The following TLR3 variants were observed in gnomAD, a reference collection of about 807,000 sequenced individuals.
TLR3 encodes toll like receptor 3.
Under a neutral mutation model 66.4 loss-of-function variants are expected in TLR3, and 43 were observed. That is an observed-to-expected ratio of 0.65 (90% confidence interval 0.51 to 0.83). The LOEUF (loss-of-function observed/expected upper bound fraction) is 0.83. Ranked by LOEUF, TLR3 falls within the 40% of genes least tolerant of loss-of-function variation. The probability of loss-of-function intolerance (pLI) is 0.00; values close to 1 mark genes in which losing one functional copy is unlikely to be tolerated. For synonymous variants in TLR3, 397 were observed against 397.2 expected (o/e 1.00, Z 0.01); for missense variants, 982 against 1,044.6 (o/e 0.94, Z 0.83).
chr4:186,069,473 G>C (rs1199249373), intron 1 of TLR3, among the ~76,000 whole-genome samples: 2 of 152,174 alleles, frequency 1.3e-5, no homozygotes, highest in South Asian at 4.1e-4. Flanking sequence ...CCAATATCTA[G>C]TTAATGTGAT....
Position 186,077,027 on chromosome 4 carries a change from GA to G in TLR3, c.412del (p.Ile138LeufsTer12). The part of the protein sequence containing the change: ...ELHLMSNSIQ[K>X]IKNNPFVKQK... ...TCCATCTCATGTCCAACTCAATCCA[GA>G]AAATTAAAAATAATCCCTTTGTCAA... is the stretch of plus-strand genomic sequence containing the variant. On this transcript the variant is annotated frameshift_variant, in exon 2 of 5. Coordinates refer to ENST00000296795, the MANE Select transcript of TLR3 (RefSeq NM_003265.3). LOFTEE classifies it high-confidence loss of function. The G allele has an allele frequency of 6.2e-7, 1 of 1,613,972 alleles. No individual in the cohort carries two copies. Among genetic ancestry groups the G allele is most frequent in the Non-Finnish European group, 8.5e-7 (1 of 1,180,006 alleles).
intron 1 of TLR3, among the ~76,000 whole-genome samples, chr4:186,075,713 C>CA (rs959323358): frequency 6.6e-6 from 1 of 151,852 alleles, no homozygotes; most frequent in African/African-American, 2.4e-5. Context: ...TAATGTAGGC[C>CA]AAGGACCTCA....
intron 1 of TLR3, among the ~76,000 whole-genome samples, chr4:186,074,161 A>G (rs1275325773): frequency 6.6e-6 from 1 of 152,184 alleles, no homozygotes; most frequent in East Asian, 1.9e-4. Flanking sequence ...AGGCATTCCA[A>G]TCCTAGTTAT....
intron 4 of TLR3, 84 bp from the exon 5 acceptor site, chr4:186,084,561 A>T: frequency 1.1e-6 from 1 of 941,310 alleles, no homozygotes; most frequent in Non-Finnish European, 1.6e-6. Context: ...GTAACAGTTT[A>T]AACTCTACAG....
chr4:186,083,873 G>A lies in TLR3; in HGVS notation c.2187G>A (p.Arg729=). Residue 729 remains arginine, a synonymous_variant, in exon 4 of 5, where the codon AGG becomes AGA. Transcript: ENST00000296795. This position sits in a 1 kb window ranked among gnomAD's most constrained non-coding sequence, Gnocchi z 4.0. ...IVLLIHFEGW[R]ISFYWNVSVH... ...TTCTCATCCACTTTGAGGGCTGGAG[G>A]ATATCTTTTTATTGGAATGTTTCAG... is the stretch of plus-strand genomic sequence containing the variant. 4 of 1,614,174 alleles carry A rather than the reference G, an allele frequency of 2.5e-6. No homozygotes were observed. The highest frequency in any genetic ancestry group is 3.4e-6 in the Non-Finnish European group (4 of 1,180,036).
At chr4:186,074,450 T>C (rs974144451) in intron 1 of TLR3, among the ~76,000 whole-genome samples, 1 of 152,190 alleles carries the variant, frequency 6.6e-6, no homozygotes, top group Non-Finnish European at 1.5e-5. Flanking sequence ...CAAATGGCAC[T>C]TCCATAGGGC....
rs748141748 is a variant in TLR3 at position 186,084,091 on chromosome 4, C to A, written c.2405C>A (p.Ala802Glu). The A allele has an allele frequency of 1.0e-4, 163 of 1,613,952 alleles. No individual in the cohort carries two copies. The highest frequency in any genetic ancestry group is 1.3e-4 in the Non-Finnish European group (159 of 1,180,018). ...GAGGCGGGTGTTTTTGAACTAGAAG[C>A]AATTGTTAACAGCATCAAAAGAAGC... ...DFEAGVFELEAIVNSIKRSRK... is the reference protein window; with the variant it reads ...DFEAGVFELEEIVNSIKRSRK... The change falls in exon 4 of 5, where the codon GCA (alanine) becomes GAA (glutamate). Residue 802 changes from alanine to glutamate, a missense_variant. Transcript: ENST00000296795.
Position 186,083,345 on chromosome 4 carries a change from TC to T in TLR3, c.1662del (p.Ile555PhefsTer4). On this transcript the variant is annotated frameshift_variant, in exon 4 of 5. Coordinates refer to ENST00000296795, the MANE Select transcript of TLR3 (RefSeq NM_003265.3). LOFTEE classifies it high-confidence loss of function. This position sits in a 1 kb window ranked among gnomAD's most constrained non-coding sequence, Gnocchi z 4.0. ...TCTGGAAACACGCAAACCCTGGTGG[TC>T]CCATTTATTTCCTAAAGGGTCTGTC... ...RLWKHANPGG[P>X]IYFLKGLSHL... 6.2e-7 allele frequency: 1 copy of T among 1,614,204 alleles called. No individual in the cohort carries two copies. Among genetic ancestry groups the T allele is most frequent in the South Asian group, 1.1e-5 (1 of 91,076 alleles).
intron 1 of TLR3, among the ~76,000 whole-genome samples, chr4:186,076,347 A>C (rs1368448440): frequency 1.3e-5 from 2 of 152,354 alleles, no homozygotes; most frequent in East Asian, 3.9e-4. Flanking sequence ...ACCTATCAAA[A>C]GAGAGACATT....
At chr4:186,071,922 G>A (rs1325974797) in intron 1 of TLR3, among the ~76,000 whole-genome samples, 3 of 152,200 alleles carry the variant, frequency 2.0e-5, no homozygotes, top group East Asian at 1.9e-4. Context: ...CCTTGTGGGT[G>A]TATTTGATTT....
Position 186,077,594 on chromosome 4 carries a change from T to C in TLR3, c.441+534T>C, listed in dbSNP as rs934306909. Among the ~76,000 whole-genome samples, 3 of 150,866 alleles carry C rather than the reference T, an allele frequency of 2.0e-5. No individual in the cohort carries two copies. In the East Asian group the frequency reaches 5.8e-4, roughly 29 times the overall value. ...TTTCAAAACTTTGCTCGAATTTTAGTTTTTTTTCTTTTCTTTTTAGTTGAT... is the reference window on the plus strand; with the variant it reads ...TTTCAAAACTTTGCTCGAATTTTAGCTTTTTTTCTTTTCTTTTTAGTTGAT... On this transcript the variant is annotated intron_variant, in intron 2 of 4. Coordinates refer to ENST00000296795, the MANE Select transcript of TLR3 (RefSeq NM_003265.3).
At chr4:186,077,242 T>C (rs1362867423) in intron 2 of TLR3, among the ~76,000 whole-genome samples, 182 bp downstream of exon 2, 3 of 152,194 alleles carry the variant, frequency 2.0e-5, no homozygotes, top group African/African-American at 4.8e-5. Context: ...ATCAGTTTCA[T>C]CCTTAATTTT....
Position 186,086,127 on chromosome 4 carries a change from G to A in TLR3, c.*1254G>A, listed in dbSNP as rs2099304317. On this transcript the variant is annotated 3_prime_UTR_variant, in exon 5 of 5. Coordinates refer to ENST00000296795, the MANE Select transcript of TLR3 (RefSeq NM_003265.3). Reference sequence around the variant, plus strand: ...GATCCTCTCGCCTTGGCCTCCCAAAGTGCTAGGATTACAGGTGTGAGCCAC... The same window carrying A: ...GATCCTCTCGCCTTGGCCTCCCAAAATGCTAGGATTACAGGTGTGAGCCAC... The A allele has an allele frequency of 6.6e-6, 1 of 152,196 alleles. No individual in the cohort carries two copies. Among genetic ancestry groups the A allele is most frequent in the Non-Finnish European group, 1.5e-5 (1 of 68,050 alleles). 9.4% of individuals were successfully genotyped at this position (152,196 alleles called of 1,614,324 possible). A position where few individuals can be genotyped will look rare whatever the true frequency, so the allele number is the denominator to read the frequency against.
In TLR3 at chr4:186,082,959, G is replaced by A; in HGVS notation, c.1273G>A (p.Asp425Asn). The A allele has an allele frequency of 6.2e-7, 1 of 1,614,192 alleles. No individual in the cohort carries two copies. The highest frequency in any genetic ancestry group is 8.5e-7 in the Non-Finnish European group (1 of 1,180,046). The change falls in exon 4 of 5, where the codon GAT becomes AAT. Residue 425 changes from aspartate to asparagine, a missense_variant. By Grantham distance (23) the Asp-to-Asn change is conservative. Transcript: ENST00000296795. ...TKNKISKIES[D>N]AFSWLGHLEV... ...GAATAAAATCTCAAAAATAGAGAGT[G>A]ATGCTTTCTCTTGGTTGGGCCACCT...
chr4:186,084,913 C>T lies in TLR3; in HGVS notation c.*40C>T, dbSNP rs771447002. The T allele has an allele frequency of 1.7e-5, 26 of 1,538,368 alleles. No individual in the cohort carries two copies. The highest frequency in any genetic ancestry group is 4.6e-5 in the South Asian group (4 of 86,596). On this transcript the variant is annotated 3_prime_UTR_variant, in exon 5 of 5. Transcript: ENST00000296795. ...TCAATTAGCAAAGGAGAAACTTTCT[C>T]AATTTAAAAAGTTCTATGGCAAATT... is the stretch of plus-strand genomic sequence containing the variant.
Position 186,082,957 on chromosome 4 carries a change from G to A in TLR3, c.1271G>A (p.Ser424Asn). ...LTKNKISKIE[S>N]DAFSWLGHLE... is the part of the protein sequence containing the mutation. The stretch of plus-strand genomic sequence containing the variant: ...AAGAATAAAATCTCAAAAATAGAGA[G>A]TGATGCTTTCTCTTGGTTGGGCCAC... The change falls in exon 4 of 5, where the codon AGT (serine) becomes AAT (asparagine). Residue 424 changes from serine (S) to asparagine (N), a missense_variant. This residue lies in a region of TLR3 where 666 missense variants were observed against 709.0 expected (regional missense o/e 0.94). Transcript: ENST00000296795. The A allele has an allele frequency of 1.9e-6, 3 of 1,614,200 alleles. No individual in the cohort carries two copies. Among genetic ancestry groups the A allele is most frequent in the Middle Eastern group, 1.6e-4 (1 of 6,062 alleles).
intron 1 of TLR3, among the ~76,000 whole-genome samples, chr4:186,073,770 C>G (rs1186500058): frequency 6.6e-6 from 1 of 151,938 alleles, no homozygotes; most frequent in Non-Finnish European, 1.5e-5. Flanking sequence ...AAGAAGACAT[C>G]AGTAAGAAAA....
At position 186,087,047 on chromosome 4, in the gene TLR3, T is replaced by G. The variant is rs1318360655; in HGVS notation, c.*2174T>G. 2.6e-5 allele frequency: 4 copies of G among 152,248 alleles called. No homozygotes were observed. Among genetic ancestry groups the G allele is most frequent in the African/African-American group, 9.6e-5 (4 of 41,466 alleles). 9.4% of individuals were successfully genotyped at this position (152,248 alleles called of 1,614,324 possible). ...AGAGGCTAAAGTGAAATTACAAAGT[T>G]ATTTACTTGTTGTGCACCCTACGCA... On this transcript the variant is annotated 3_prime_UTR_variant, in exon 5 of 5. Transcript: ENST00000296795.
rs781382825 is a variant in TLR3, at chr4:186,084,742, C to T, written c.2584C>T (p.His862Tyr). 6.2e-6 allele frequency: 10 copies of T among 1,613,798 alleles called. No homozygotes were observed. The highest frequency in any genetic ancestry group is 2.5e-6 in the Non-Finnish European group (3 of 1,179,908). ...GGAGATTCCAGATTATAAACTGAAC[C>T]ATGCACTCTGTTTGCGAAGAGGAAT... ...LEEIPDYKLNHALCLRRGMFK... is the reference protein window; with the variant it reads ...LEEIPDYKLNYALCLRRGMFK... Residue 862 changes from histidine to tyrosine, a missense_variant, in exon 5 of 5, where the codon CAT becomes TAT. Physicochemically the swap from His to Tyr is moderately conservative, Grantham distance 83 (BLOSUM62 2). Transcript: ENST00000296795.
Sources: allele counts gnomAD v4.1 joint callset (sites outside exome capture counted in the v4.1 genomes callset), GRCh38; gene constraint gnomAD v4.1.1; regional missense constraint gnomAD v4.1.1; non-coding constraint Gnocchi (gnomAD v3.1); transcripts MANE v1.5; gene names NCBI Gene and HGNC (gene_info 2026-07-23, HGNC 2026-07-21).